AK5: variants seen among roughly 807,000 people sequenced by gnomAD.
AK5 encodes the protein adenylate kinase 5, also known as adenylate kinase isoenzyme 5.
Under a neutral mutation model 69.5 loss-of-function variants are expected in AK5, and 27 were observed. The observed-to-expected ratio is 0.39, with a 90% CI of 0.29 to 0.54. AK5 has a LOEUF of 0.54. Ranked by LOEUF, AK5 falls within the 20% of genes least tolerant of loss-of-function variation. The pLI, the probability that AK5 is intolerant of heterozygous loss-of-function variation, is 0.71. For missense variants in AK5, 531 were observed against 700.4 expected, an observed-to-expected ratio of 0.76 and a Z score of 2.73; for synonymous variants, 260 against 244.4, an observed-to-expected ratio of 1.06 and a Z score of -0.60.
At chr1:77,311,594 C>T (rs1200634479) in intron 5 of AK5, among the ~76,000 whole-genome samples, 3 of 152,036 alleles carry the variant, frequency 2.0e-5, no homozygotes, top group African/African-American at 4.8e-5. Context: ...TCGTTATTGT[C>T]GTTAGACCAT....
rs1209849704 is a variant in AK5, at chr1:77,518,656, G to C, written c.1240G>C (p.Glu414Gln). Residue 414 changes from glutamate to glutamine, a missense_variant, in exon 11 of 14, where the codon GAA becomes CAA. By Grantham distance (29) the Glu-to-Gln change is conservative (BLOSUM62 2). Coordinates refer to ENST00000354567, the MANE Select transcript of AK5 (RefSeq NM_174858.3). Reference sequence around the variant, plus strand: ...CTCAACTGGCGAGCTCCTGCGTGAGGAACTGGCATCAGAATCTGAAAGAAG... The same window carrying C: ...CTCAACTGGCGAGCTCCTGCGTGAGCAACTGGCATCAGAATCTGAAAGAAG... ...HLSTGELLRE[E>Q]LASESERSKL... The C allele has an allele frequency of 6.2e-7, 1 of 1,614,198 alleles. No individual in the cohort carries two copies. The highest frequency in any genetic ancestry group is 8.5e-7 in the Non-Finnish European group (1 of 1,180,034).
chr1:77,556,098 T>C (rs1660089618), intron 13 of AK5, among the ~76,000 whole-genome samples: 1 of 152,244 alleles, frequency 6.6e-6, no homozygotes, highest in East Asian at 1.9e-4. Flanking sequence ...TATTTTTTCC[T>C]TATTGTGGGC....
rs112197828 is a variant in AK5, at chr1:77,310,268, G to T, written c.699+12321G>T. On this transcript the variant is annotated intron_variant, in intron 5 of 13. Coordinates refer to ENST00000354567, the MANE Select transcript of AK5 (RefSeq NM_174858.3). ...GGTCTGTATATGGTTTCTCTATTCA[G>T]TTCTTTCTTCTGTTTATATATTTCT... is the stretch of plus-strand genomic sequence containing the variant. 6.3e-3 allele frequency among the ~76,000 whole-genome samples: 959 copies of T among 152,128 alleles called. 18 individuals are homozygous for T. The highest frequency in any genetic ancestry group is 0.022 in the African/African-American group (894 of 41,442).
chr1:77,551,873 T>C (rs1209759401), intron 13 of AK5, among the ~76,000 whole-genome samples: 1 of 152,180 alleles, frequency 6.6e-6, no homozygotes, highest in Non-Finnish European at 1.5e-5. Context: ...TTTGCCTTTC[T>C]ACCTAGAGCC....
intron 6 of AK5, among the ~76,000 whole-genome samples, chr1:77,370,016 G>A (rs536184393): frequency 7.9e-5 from 12 of 152,280 alleles, no homozygotes; most frequent in African/African-American, 2.9e-4. Flanking sequence ...TCTCCATGTT[G>A]CTTTCCTTCC....
intron 8 of AK5, among the ~76,000 whole-genome samples, chr1:77,480,394 T>C (rs1449253769): frequency 3.3e-5 from 5 of 152,260 alleles, no homozygotes; most frequent in East Asian, 1.9e-4. Flanking sequence ...GCAAGTGTAA[T>C]AGAAGGCTGT....
At chr1:77,287,825 T>A (rs1658448079) in intron 2 of AK5, among the ~76,000 whole-genome samples, 1 of 152,234 alleles carries the variant, frequency 6.6e-6, no homozygotes, top group Non-Finnish European at 1.5e-5. Flanking sequence ...TTGAACACAG[T>A]TTGAACACTC....
intron 7 of AK5, 66 bp from the exon 8 acceptor site, chr1:77,417,573 G>C: frequency 1.1e-6 from 1 of 946,902 alleles, no homozygotes. Context: ...CCTAGTGAGA[G>C]ACTGTTTGCT....
intron 6 of AK5, among the ~76,000 whole-genome samples, chr1:77,372,757 A>ATG (rs79604774): frequency 1.7e-4 from 24 of 139,256 alleles, no homozygotes; most frequent in Middle Eastern, 3.6e-3. Context: ...TCTAAATAAA[A>ATG]TGTGTGTGTG....
Position 77,417,955 on chromosome 1 carries a change from G to A in AK5, c.1059+240G>A, listed in dbSNP as rs141428017. ...ATTAAAGAAAGGTTTATCATCAAACGTTAACATGGGATAGAAATGAGGTTC... is the reference window on the plus strand; with the variant it reads ...ATTAAAGAAAGGTTTATCATCAAACATTAACATGGGATAGAAATGAGGTTC... On this transcript the variant is annotated intron_variant, in intron 8 of 13. Transcript: ENST00000354567. The A allele has an allele frequency of 7.5e-3, 2,683 of 356,160 alleles. 132 individuals carry two copies. In the Admixed American group the frequency reaches 0.09, roughly 12 times the overall value. 22.1% of individuals were successfully genotyped at this position (356,160 alleles called of 1,614,324 possible).
chr1:77,390,128 T>A (rs1455819367), intron 6 of AK5, among the ~76,000 whole-genome samples: 1 of 152,198 alleles, frequency 6.6e-6, no homozygotes, highest in Non-Finnish European at 1.5e-5. Context: ...TCACCAGTTA[T>A]GAAGGATAAT....
intron 13 of AK5, among the ~76,000 whole-genome samples, chr1:77,541,316 C>G (rs548870915): frequency 3.9e-5 from 6 of 152,196 alleles, no homozygotes; most frequent in Non-Finnish European, 7.4e-5. Context: ...CACAGCCACT[C>G]AGGGGACTAA....
At chr1:77,435,283 C>G (rs1453106464) in intron 8 of AK5, among the ~76,000 whole-genome samples, 1 of 152,054 alleles carries the variant, frequency 6.6e-6, no homozygotes, top group Non-Finnish European at 1.5e-5. Context: ...AAAACTTTAC[C>G]TCAAGAAATG....
intron 6 of AK5, among the ~76,000 whole-genome samples, chr1:77,360,153 T>C (rs80284637): frequency 0.02 from 3,088 of 152,260 alleles, 105 homozygotes; most frequent in African/African-American, 0.071. Flanking sequence ...CATTGGTGAA[T>C]AGATTAGAGT....
chr1:77,440,632 T>C (rs1652264860), intron 8 of AK5, among the ~76,000 whole-genome samples: 1 of 152,208 alleles, frequency 6.6e-6, no homozygotes, highest in Admixed American at 6.5e-5. Context: ...ATTTGTTCAC[T>C]TAATGGTGTC....
rs193243156 is a variant in AK5, at chr1:77,549,963, T to A, written c.1621-8639T>A. Reference sequence around the variant, plus strand: ...CCTCAGCCTCTTTTATTTATTTATTTTTTTTTTTTAAGGGACAAGGTCTTA... The same window carrying A: ...CCTCAGCCTCTTTTATTTATTTATTATTTTTTTTTAAGGGACAAGGTCTTA... On this transcript the variant is annotated intron_variant, in intron 13 of 13. Coordinates refer to ENST00000354567, the MANE Select transcript of AK5 (RefSeq NM_174858.3). 6.9e-3 allele frequency among the ~76,000 whole-genome samples: 1,052 copies of A among 151,594 alleles called. 14 individuals are homozygous for A. Among genetic ancestry groups the A allele is most frequent in the African/African-American group, 0.024 (1,000 of 41,120 alleles).
intron 6 of AK5, among the ~76,000 whole-genome samples, chr1:77,392,743 TTGG>T (rs1648569169): frequency 1.3e-5 from 2 of 152,090 alleles, no homozygotes; most frequent in South Asian, 4.2e-4. Context: ...AAATGGCCTT[TTGG>T]TGGCCAAAGG....
At chr1:77,417,773 A>T in intron 8 of AK5, 58 bp downstream of exon 8, 1 of 1,079,542 alleles carries the variant, frequency 9.3e-7, no homozygotes. Context: ...AACCTTTGTA[A>T]ATGTTTTATG....
Position 77,470,847 on chromosome 1 carries a change from A to ATTT in AK5, c.1060-12469_1060-12468insTTT, listed in dbSNP as rs1557615520. On this transcript the variant is annotated intron_variant, in intron 8 of 13. Coordinates refer to ENST00000354567, the MANE Select transcript of AK5 (RefSeq NM_174858.3). ...TTAGAATATATATATATATATATATATATATATATATATATATATATATAT... is the reference window on the plus strand; with the variant it reads ...TTAGAATATATATATATATATATATATTTTATATATATATATATATATATATAT... Among the ~76,000 whole-genome samples the ATTT allele has an allele frequency of 1.2e-3, 2 of 1,674 alleles. 1 individual carries two copies. 1.1% of individuals were successfully genotyped at this position (1,674 alleles called of 152,430 possible).
Sources: allele counts gnomAD v4.1 joint callset (sites outside exome capture counted in the v4.1 genomes callset), GRCh38; gene constraint gnomAD v4.1.1; transcripts MANE v1.5; gene names NCBI Gene and HGNC (gene_info 2026-07-23, HGNC 2026-07-21).